ZKSCAN2: variants seen among roughly 807,000 people sequenced by gnomAD.
The protein encoded by ZKSCAN2 is zinc finger protein with KRAB and SCAN domains 2.
In ZKSCAN2, 38 loss-of-function variants were observed where a neutral mutation model predicts 90.5. The ratio of observed to expected loss-of-function variants is 0.42; its 90% CI spans 0.32 to 0.55. The LOEUF is 0.55. Ranked by LOEUF, ZKSCAN2 falls within the 20% of genes least tolerant of loss-of-function variation. ZKSCAN2 has a pLI of 0.11. For synonymous variants in ZKSCAN2, 429 were observed against 421.6 expected, an observed-to-expected ratio of 1.02 and a Z score of -0.22; for missense variants, 1,167 against 1,202.6, an observed-to-expected ratio of 0.97 and a Z score of 0.44.
At chr16:25,255,055 C>A in intron 2 of ZKSCAN2, 151 bp downstream of exon 2, 1 of 720,770 alleles carries the variant, frequency 1.4e-6, no homozygotes, top group Non-Finnish European at 2.1e-6. Flanking sequence ...ACTTATATTG[C>A]ACATGTTCCT....
At chr16:25,250,950 T>C (rs1212252726) in intron 4 of ZKSCAN2, among the ~76,000 whole-genome samples, 1 of 152,170 alleles carries the variant, frequency 6.6e-6, no homozygotes, top group Non-Finnish European at 1.5e-5. Flanking sequence ...CAGATGGGGT[T>C]TCACCATGTT....
chr16:25,240,654 T>A lies in ZKSCAN2; in HGVS notation c.2066A>T (p.Lys689Met). 1 of 1,614,222 alleles carries A rather than the reference T, an allele frequency of 6.2e-7. No individual in the cohort carries two copies. The highest frequency in any genetic ancestry group is 8.5e-7 in the Non-Finnish European group (1 of 1,180,022). The change falls in exon 7 of 7, where the codon AAG becomes ATG. Residue 689 changes from lysine to methionine, a missense_variant. By Grantham distance (95) the Lys-to-Met change is moderately conservative. Transcript: ENST00000328086. ...DMEQHRALIEKSKRVVSQSTD... is the reference protein window; with the variant it reads ...DMEQHRALIEMSKRVVSQSTD... Reference sequence around the variant, plus strand: ...ACTCTGGGAAACAACTCTTTTAGACTTTTCTATTAATGCCCTATGCTGTTC... The same window carrying A: ...ACTCTGGGAAACAACTCTTTTAGACATTTCTATTAATGCCCTATGCTGTTC...
rs555959721 is a variant in ZKSCAN2, at chr16:25,245,900, C to T, written c.1489+807G>A. Reference sequence around the variant, plus strand: ...CCTTCATTTATATTATCCTATTTAACACTAATAACAACCCTATGAGGTATT... The same window carrying T: ...CCTTCATTTATATTATCCTATTTAATACTAATAACAACCCTATGAGGTATT... On this transcript the variant is annotated intron_variant, in intron 5 of 6. Coordinates refer to ENST00000328086, the MANE Select transcript of ZKSCAN2 (RefSeq NM_001012981.5). Among the ~76,000 whole-genome samples, 8 of 152,222 alleles carry T rather than the reference C, an allele frequency of 5.3e-5. No homozygotes were observed. The South Asian group carries it at 1.5e-3, about 28-fold the overall frequency.
At position 25,246,909 on chromosome 16, in the gene ZKSCAN2, T is replaced by C; in HGVS notation, c.1287A>G (p.Ala429=). ...FEDMDALLNP[A]ARAPSTDKPK... Reference sequence around the variant, plus strand: ...GTTTATCAGTGGACGGAGCACGGGCTGCAGGGTTCAACAAAGCATCCATGT... The same window carrying C: ...GTTTATCAGTGGACGGAGCACGGGCCGCAGGGTTCAACAAAGCATCCATGT... The change falls in exon 5 of 7, where the codon GCA becomes GCG. Residue 429 remains alanine (A), a synonymous_variant. Transcript: ENST00000328086. 6.2e-7 allele frequency: 1 copy of C among 1,614,228 alleles called. No homozygotes were observed. Among genetic ancestry groups the C allele is most frequent in the African/African-American group, 1.3e-5 (1 of 75,060 alleles).
At chr16:25,247,918 C>G (rs1406593630) in intron 4 of ZKSCAN2, among the ~76,000 whole-genome samples, 1 of 152,042 alleles carries the variant, frequency 6.6e-6, no homozygotes, top group African/African-American at 2.4e-5. Context: ...ACCAGTAGAA[C>G]AGAATAGAGA....
At position 25,257,674 on chromosome 16, in the gene ZKSCAN2, C is replaced by G. The variant is rs896129850; in HGVS notation, c.-547G>C. On this transcript the variant is annotated 5_prime_UTR_variant, in exon 1 of 7. Transcript: ENST00000328086. Reference sequence around the variant, plus strand: ...GCGGCGCCGGGCTCTTTCGGGCCCACGACGGCCCCGACCGTCCTGAGGAAA... The same window carrying G: ...GCGGCGCCGGGCTCTTTCGGGCCCAGGACGGCCCCGACCGTCCTGAGGAAA... 1 of 201,970 alleles carries G rather than the reference C, an allele frequency of 5.0e-6. No individual in the cohort carries two copies. Among genetic ancestry groups the G allele is most frequent in the South Asian group, 1.7e-4 (1 of 5,804 alleles). 12.5% of individuals were successfully genotyped at this position (201,970 alleles called of 1,614,324 possible).
rs557910607 is a variant in ZKSCAN2, at chr16:25,257,651, G to A, written c.-524C>T. The A allele has an allele frequency of 5.5e-3, 1,733 of 313,944 alleles. 36 individuals are homozygous for A. Among genetic ancestry groups the A allele is most frequent in the African/African-American group, 0.037 (1,641 of 44,330 alleles). The allele number at this position is 313,944 out of a possible 1,614,324, so 19.4% of individuals were successfully genotyped here. On this transcript the variant is annotated 5_prime_UTR_variant, in exon 1 of 7. Coordinates refer to ENST00000328086, the MANE Select transcript of ZKSCAN2 (RefSeq NM_001012981.5). ...GCTGGGGCCGCCGGATTCCGAGAGC[G>A]GCGCCGGGCTCTTTCGGGCCCACGA...
Position 25,244,108 on chromosome 16 carries a change from T to G in ZKSCAN2, c.1658A>C (p.Lys553Thr). The G allele has an allele frequency of 6.2e-7, 1 of 1,614,162 alleles. No individual in the cohort carries two copies. Among genetic ancestry groups the G allele is most frequent in the East Asian group, 2.2e-5 (1 of 44,878 alleles). Residue 553 changes from lysine to threonine, a missense_variant, in exon 6 of 7, where the codon AAG (lysine) becomes ACG (threonine). Physicochemically the swap from Lys to Thr is moderately conservative, Grantham distance 78. Transcript: ENST00000328086. ...GTAACTCTTCTGAAGGCTTTTGAAC[T>G]TGGTTCGGCACTGTTCTGGTGTCCG... ...FLRTPEQCRTKFKSLQKSYRK... is the reference protein window; with the variant it reads ...FLRTPEQCRTTFKSLQKSYRK...
chr16:25,257,096 G>C lies in ZKSCAN2; in HGVS notation c.32C>G (p.Ala11Gly). 1 of 1,608,860 alleles carries C rather than the reference G, an allele frequency of 6.2e-7. No homozygotes were observed. Among genetic ancestry groups the C allele is most frequent in the Admixed American group, 1.7e-5 (1 of 59,336 alleles). Residue 11 changes from alanine to glycine, a missense_variant, in exon 1 of 7, where the codon GCG becomes GGG. By Grantham distance (60) the Ala-to-Gly change is moderately conservative. Transcript: ENST00000328086. Reference sequence around the variant, plus strand: ...TAGGCATCCCTCAACCTCCAGGGGCGCGTCGATCTGAGAGTCGAGGGCGAC... The same window carrying C: ...TAGGCATCCCTCAACCTCCAGGGGCCCGTCGATCTGAGAGTCGAGGGCGAC... MAVALDSQID[A>G]PLEVEGCLIM...
chr16:25,252,861 T>G lies in ZKSCAN2; in HGVS notation c.678+85A>C, dbSNP rs1447014408. ...ACCCAGGAGGCAGAGGTGGTTGCAGTGAGCTGAGATTGCGCCACTGTACTC... is the reference window on the plus strand; with the variant it reads ...ACCCAGGAGGCAGAGGTGGTTGCAGGGAGCTGAGATTGCGCCACTGTACTC... On this transcript the variant is annotated intron_variant, in intron 3 of 6. Coordinates refer to ENST00000328086, the MANE Select transcript of ZKSCAN2 (RefSeq NM_001012981.5). The G allele has an allele frequency of 2.7e-6, 3 of 1,115,012 alleles. No homozygotes were observed. The East Asian group carries it at 7.2e-5, about 27-fold the overall frequency. 69.1% of individuals were successfully genotyped at this position (1,115,012 alleles called of 1,614,324 possible).
chr16:25,252,876 C>T lies in ZKSCAN2; in HGVS notation c.678+70G>A, dbSNP rs539056996. ...GTGGTTGCAGTGAGCTGAGATTGCG[C>T]CACTGTACTCCACCGTGGGTGACAG... On this transcript the variant is annotated intron_variant, in intron 3 of 6. Coordinates refer to ENST00000328086, the MANE Select transcript of ZKSCAN2 (RefSeq NM_001012981.5). The T allele has an allele frequency of 1.5e-5, 19 of 1,296,380 alleles. No individual in the cohort carries two copies. The African/African-American group carries it at 2.8e-4, about 19-fold the overall frequency. 80.3% of individuals were successfully genotyped at this position (1,296,380 alleles called of 1,614,324 possible).
chr16:25,248,366 G>GA (rs1962970233), intron 4 of ZKSCAN2, among the ~76,000 whole-genome samples: 1 of 112,888 alleles, frequency 8.9e-6, no homozygotes, highest in Non-Finnish European at 1.9e-5. Context: ...CTATGGAATA[G>GA]AAAAAAAGAT....
rs573826400 is a variant in ZKSCAN2 at position 25,252,188 on chromosome 16, A to G, written c.679-153T>C. 40 of 815,006 alleles carry G rather than the reference A, an allele frequency of 4.9e-5. No homozygotes were observed. In the African/African-American group the frequency reaches 5.9e-4, roughly 12 times the overall value. The allele number at this position is 815,006 out of a possible 1,614,324, so 50.5% of individuals were successfully genotyped here. On this transcript the variant is annotated intron_variant, in intron 3 of 6. Coordinates refer to ENST00000328086, the MANE Select transcript of ZKSCAN2 (RefSeq NM_001012981.5). The stretch of plus-strand genomic sequence containing the variant: ...CAAATGAAGCAGAAGAGAAAGAATC[A>G]TAAGATGACAAGATAAACAAGATGA...
At chr16:25,244,487 G>A (rs1962904760) in intron 5 of ZKSCAN2, among the ~76,000 whole-genome samples, 1 of 152,170 alleles carries the variant, frequency 6.6e-6, no homozygotes, top group Non-Finnish European at 1.5e-5. Context: ...ACAAGACACT[G>A]TTTATGAATA....
rs369259865 is a variant in ZKSCAN2, at chr16:25,256,605, G to A, written c.399+124C>T. 917 of 1,067,272 alleles carry A rather than the reference G, an allele frequency of 8.6e-4. 2 individuals are homozygous for A. Among genetic ancestry groups the A allele is most frequent in the Non-Finnish European group, 1.1e-3 (821 of 741,254 alleles). The allele number at this position is 1,067,272 out of a possible 1,614,324, so 66.1% of individuals were successfully genotyped here. On this transcript the variant is annotated intron_variant, in intron 1 of 6. Coordinates refer to ENST00000328086, the MANE Select transcript of ZKSCAN2 (RefSeq NM_001012981.5). The stretch of plus-strand genomic sequence containing the variant: ...CTTAAAGTGAAAAGACCCCCTTATA[G>A]GGTCTTTTATTAGTACCATTTATCT...
Position 25,254,962 on chromosome 16 carries a change from ATT to A in ZKSCAN2, c.586+242_586+243del, listed in dbSNP as rs34441096. ...GTGCACGCCAACACACCTGGCTAAT[ATT>A]TTTTTTTTTTTTGCGATTTTGTAGA... is the stretch of plus-strand genomic sequence containing the variant. On this transcript the variant is annotated intron_variant, in intron 2 of 6. Transcript: ENST00000328086. Among the ~76,000 whole-genome samples, 37 of 145,450 alleles carry A rather than the reference ATT, an allele frequency of 2.5e-4. No individual in the cohort carries two copies. The East Asian group carries it at 6.6e-3, about 26-fold the overall frequency.
intron 6 of ZKSCAN2, among the ~76,000 whole-genome samples, chr16:25,241,152 A>G (rs978126831): frequency 1.3e-5 from 2 of 152,228 alleles, no homozygotes; most frequent in Admixed American, 6.5e-5. Context: ...AAATTCCTCT[A>G]CATATCTAAT....
At chr16:25,242,955 G>C (rs114908966) in intron 6 of ZKSCAN2, among the ~76,000 whole-genome samples, 257 of 152,362 alleles carry the variant, frequency 1.7e-3, no homozygotes, top group African/African-American at 5.8e-3. Context: ...CCGTGGTGTG[G>C]TAAGGAAGAT....
chr16:25,236,779 T>C lies in ZKSCAN2; in HGVS notation c.*3037A>G, dbSNP rs1454186465. On this transcript the variant is annotated 3_prime_UTR_variant, in exon 7 of 7. Transcript: ENST00000328086. ...ATCACTGGTAAGAACTGGAGGTATT[T>C]GTGGCAGTAACAAAGCAAGCCTAGG... 2.6e-5 allele frequency: 4 copies of C among 152,210 alleles called. No individual in the cohort carries two copies. Among genetic ancestry groups the C allele is most frequent in the African/African-American group, 9.7e-5 (4 of 41,446 alleles). The allele number at this position is 152,210 out of a possible 1,614,324, so 9.4% of individuals were successfully genotyped here.
Sources: allele counts gnomAD v4.1 joint callset (sites outside exome capture counted in the v4.1 genomes callset), GRCh38; gene constraint gnomAD v4.1.1; transcripts MANE v1.5; gene names NCBI Gene and HGNC (gene_info 2026-07-23, HGNC 2026-07-21).